ASH1L: variants seen among roughly 807,000 people sequenced by gnomAD.
ASH1L encodes ASH1 like histone lysine methyltransferase.
In ASH1L, 23 loss-of-function variants were observed where a neutral mutation model predicts 269.0. That is an observed-to-expected ratio of 0.09 (90% CI 0.06 to 0.12). The LOEUF (loss-of-function observed/expected upper bound fraction) is 0.12, where lower values mean the gene tolerates loss of function less well. Ranked by LOEUF, ASH1L falls within the 10% of genes least tolerant of loss-of-function variation. The pLI is 1.00. For missense variants in ASH1L, 2,912 were observed against 3,567.8 expected, an observed-to-expected ratio of 0.82 and a Z score of 4.68; for synonymous variants, 1,187 against 1,253.5, an observed-to-expected ratio of 0.95 and a Z score of 1.12.
chr1:155,395,434 T>TA, intron 7 of ASH1L, 25 bp downstream of exon 7: 2 of 1,530,696 alleles, frequency 1.3e-6, no homozygotes, highest in East Asian at 4.7e-5. Context: ...TTCTCAGCAA[T>TA]ACATTGTGTG....
chr1:155,550,381 ATCAAG>A (rs1481748699), intron 1 of ASH1L, among the ~76,000 whole-genome samples: 1 of 152,192 alleles, frequency 6.6e-6, no homozygotes, highest in Non-Finnish European at 1.5e-5. Context: ...CATATATCAG[ATCAAG>A]TCATTTCCCT....
rs11811232 is a variant in ASH1L at position 155,518,596 on chromosome 1, C to G, written c.420+2504G>C. Among the ~76,000 whole-genome samples, 208 of 143,338 alleles carry G rather than the reference C, an allele frequency of 1.5e-3. 1 individual carries two copies. The highest frequency in any genetic ancestry group is 5.2e-3 in the African/African-American group (200 of 38,754). The allele number at this position is 143,338 out of a possible 152,430, so 94.0% of individuals were successfully genotyped here. ...TTCTTCAAAGAAGATACACAAATGGCCAATAAGCACATGAAAAATTGTTCA... is the reference window on the plus strand; with the variant it reads ...TTCTTCAAAGAAGATACACAAATGGGCAATAAGCACATGAAAAATTGTTCA... On this transcript the variant is annotated intron_variant, in intron 2 of 27. Coordinates refer to ENST00000392403, the MANE Select transcript of ASH1L (RefSeq NM_018489.3).
intron 2 of ASH1L, among the ~76,000 whole-genome samples, chr1:155,490,643 C>T (rs1258996682): frequency 5.3e-5 from 8 of 150,170 alleles, no homozygotes; most frequent in Admixed American, 2.0e-4. Flanking sequence ...CACACACACA[C>T]ATACACACAC....
intron 4 of ASH1L, among the ~76,000 whole-genome samples, chr1:155,458,348 G>A (rs1005003853): frequency 7.2e-5 from 11 of 152,154 alleles, no homozygotes; most frequent in African/African-American, 1.9e-4. Flanking sequence ...CCTTGTTTAC[G>A]TTTCCACAAC....
intron 2 of ASH1L, among the ~76,000 whole-genome samples, chr1:155,520,671 T>G (rs1344544357): frequency 6.6e-6 from 1 of 151,936 alleles, no homozygotes; most frequent in Non-Finnish European, 1.5e-5. Flanking sequence ...GAGACCAGCC[T>G]GGCCAACATG....
At chr1:155,423,159 G>A (rs111367768) in intron 5 of ASH1L, among the ~76,000 whole-genome samples, 280 of 148,990 alleles carry the variant, frequency 1.9e-3, no homozygotes, top group African/African-American at 6.7e-3. Context: ...ATGCTGGCCA[G>A]GCTGATCACA....
Position 155,513,571 on chromosome 1 carries a change from C to CA in ASH1L, c.420+7528dup, listed in dbSNP as rs767517719. On this transcript the variant is annotated intron_variant, in intron 2 of 27. Transcript: ENST00000392403. Reference sequence around the variant, plus strand: ...GGGCAACAGGAGTGAGATCCTGTATCAAAAAAAAAAAAAAAAAAGAATTAC... The same window carrying CA: ...GGGCAACAGGAGTGAGATCCTGTATCAAAAAAAAAAAAAAAAAAAGAATTAC... Among the ~76,000 whole-genome samples the CA allele has an allele frequency of 8.8e-3, 729 of 82,944 alleles. 1 individual carries two copies. The highest frequency in any genetic ancestry group is 9.9e-3 in the Non-Finnish European group (379 of 38,362). 54.4% of individuals were successfully genotyped at this position (82,944 alleles called of 152,430 possible). A position where few individuals can be genotyped will look rare whatever the true frequency, so the allele number is the denominator to read the frequency against.
At chr1:155,378,410 T>G (rs1340099707) in intron 9 of ASH1L, 21 bp from the exon 10 acceptor site, 1 of 1,611,772 alleles carries the variant, frequency 6.2e-7, no homozygotes, top group Non-Finnish European at 8.5e-7. Flanking sequence ...AAGCAAAGAA[T>G]AGTTTGTGAA....
intron 19 of ASH1L, 120 bp downstream of exon 19, chr1:155,349,207 A>G (rs1252783816): frequency 4.0e-5 from 46 of 1,139,002 alleles, no homozygotes; most frequent in Non-Finnish European, 5.4e-5. Flanking sequence ...GGATACTCAA[A>G]AATGACTGGC....
intron 12 of ASH1L, among the ~76,000 whole-genome samples, chr1:155,366,041 T>C (rs972852915): frequency 1.3e-5 from 2 of 152,116 alleles, no homozygotes; most frequent in East Asian, 1.9e-4. Flanking sequence ...TGGGTAAAAT[T>C]AGGCTGAGAT....
At chr1:155,442,116 C>T (rs993819231) in intron 4 of ASH1L, among the ~76,000 whole-genome samples, 1 of 152,000 alleles carries the variant, frequency 6.6e-6, no homozygotes, top group African/African-American at 2.4e-5. Context: ...GTAGTTACAA[C>T]CAAAGGAAGG....
In ASH1L at chr1:155,337,611, G is replaced by C; in HGVS notation, c.*49C>G. ...TACCCAGAGAGCAGGAGGCAGGACTGATTAGCTCCACTGGATCCCAGATGC... is the reference window on the plus strand; with the variant it reads ...TACCCAGAGAGCAGGAGGCAGGACTCATTAGCTCCACTGGATCCCAGATGC... On this transcript the variant is annotated 3_prime_UTR_variant, in exon 28 of 28. Transcript: ENST00000392403. 6.6e-7 allele frequency: 1 copy of C among 1,516,368 alleles called. No individual in the cohort carries two copies. Among genetic ancestry groups the C allele is most frequent in the Non-Finnish European group, 9.2e-7 (1 of 1,091,956 alleles). The allele number at this position is 1,516,368 out of a possible 1,614,324, so 93.9% of individuals were successfully genotyped here. A position where few individuals can be genotyped will look rare whatever the true frequency, so the allele number is the denominator to read the frequency against.
intron 4 of ASH1L, among the ~76,000 whole-genome samples, chr1:155,444,783 ATTTTTTT>A (rs1662874897): frequency 5.2e-4 from 77 of 147,856 alleles, no homozygotes; most frequent in African/African-American, 2.1e-3. Flanking sequence ...CGCCCGGCTA[ATTTTTTT>A]GTATTTTTAG....
chr1:155,511,800 G>A (rs111867696), intron 2 of ASH1L, among the ~76,000 whole-genome samples: 244 of 151,280 alleles, frequency 1.6e-3, no homozygotes, highest in African/African-American at 5.7e-3. Context: ...CACCACGCCC[G>A]GCAAGATTGT....
intron 2 of ASH1L, among the ~76,000 whole-genome samples, chr1:155,518,446 T>G (rs187814503): frequency 2.0e-5 from 3 of 152,050 alleles, no homozygotes; most frequent in African/African-American, 7.2e-5. Flanking sequence ...CAAAAGGAAA[T>G]TAAAAGACTA....
chr1:155,513,217 T>C (rs1668285378), intron 2 of ASH1L, among the ~76,000 whole-genome samples: 1 of 151,968 alleles, frequency 6.6e-6, no homozygotes, highest in African/African-American at 2.4e-5. Flanking sequence ...GAATGTAAAA[T>C]TGTACAGCCC....
At position 155,382,441 on chromosome 1, in the gene ASH1L, T is replaced by A. The variant is rs143732080; in HGVS notation, c.6104-2325A>T. On this transcript the variant is annotated intron_variant, in intron 7 of 27. Coordinates refer to ENST00000392403, the MANE Select transcript of ASH1L (RefSeq NM_018489.3). ...TGAACCCAGGAGATGGAGCTTGCAG[T>A]GAGCTGAGATTGTGCCACTGCACTC... is the stretch of plus-strand genomic sequence containing the variant. 8.6e-3 allele frequency among the ~76,000 whole-genome samples: 1,304 copies of A among 152,212 alleles called. 23 individuals are homozygous for A. Among genetic ancestry groups the A allele is most frequent in the African/African-American group, 0.03 (1,244 of 41,530 alleles).
chr1:155,429,793 CTT>C (rs1160839214), intron 5 of ASH1L, among the ~76,000 whole-genome samples: 1 of 152,004 alleles, frequency 6.6e-6, no homozygotes, highest in African/African-American at 2.4e-5. Flanking sequence ...TATGTATTCT[CTT>C]GTTTGTCTCT....
At chr1:155,400,612 C>A (rs1658750405) in intron 6 of ASH1L, among the ~76,000 whole-genome samples, 1 of 152,138 alleles carries the variant, frequency 6.6e-6, no homozygotes, top group South Asian at 2.1e-4. Flanking sequence ...CTGATAAATT[C>A]TATAACCACA....
Sources: gnomAD v4.1 joint callset for allele counts (sites outside exome capture counted in the v4.1 genomes callset) on GRCh38, gnomAD v4.1.1 for gene constraint, MANE v1.5 for transcripts, NCBI Gene and HGNC (gene_info 2026-07-23, HGNC 2026-07-21) for gene names.